The following GNG12 variants were observed in gnomAD, a reference collection of about 807,000 sequenced individuals.
The protein encoded by GNG12 is G protein subunit gamma 12, also known as guanine nucleotide-binding protein G(I)/G(S)/G(O) subunit gamma-12.
For missense variants in GNG12, 69 were observed against 83.8 expected, an observed-to-expected ratio of 0.82 and a Z score of 0.69; for synonymous variants, 28 against 29.7, an observed-to-expected ratio of 0.94 and a Z score of 0.19.
intron 1 of GNG12, among the ~76,000 whole-genome samples, chr1:67,823,142 A>G (rs1646993510): frequency 6.6e-6 from 1 of 152,252 alleles, no homozygotes; most frequent in African/African-American, 2.4e-5. Flanking sequence ...TACGGCATGT[A>G]TAACCTTCCT....
rs888437075 is a variant in GNG12 at position 67,810,382 on chromosome 1, G to A, written c.-77+22962C>T. Among the ~76,000 whole-genome samples the A allele has an allele frequency of 3.9e-5, 6 of 152,170 alleles. No homozygotes were observed. The South Asian group carries it at 1.2e-3, about 32-fold the overall frequency. On this transcript the variant is annotated intron_variant, in intron 1 of 3. Coordinates refer to ENST00000370982, the MANE Select transcript of GNG12 (RefSeq NM_018841.6). ...ATCCATAGAATGTAGAACACCAAGA[G>A]TGAATCCTAATGTAAACTATGAACC...
intron 1 of GNG12, among the ~76,000 whole-genome samples, chr1:67,813,982 C>A (rs1202165924): frequency 6.6e-6 from 1 of 151,954 alleles, no homozygotes; most frequent in Non-Finnish European, 1.5e-5. Flanking sequence ...CTCACAGTAA[C>A]CCCAGGAGGA....
At chr1:67,800,706 G>C (rs1358471425) in intron 1 of GNG12, among the ~76,000 whole-genome samples, 1 of 152,150 alleles carries the variant, frequency 6.6e-6, no homozygotes, top group Non-Finnish European at 1.5e-5. Flanking sequence ...TTGAGTGTGT[G>C]ATGATAAGGG....
chr1:67,779,587 G>A (rs1041406520), intron 1 of GNG12, among the ~76,000 whole-genome samples: 1 of 152,116 alleles, frequency 6.6e-6, no homozygotes, highest in Admixed American at 6.6e-5. Context: ...AGTATCAGTG[G>A]GTCTTCACAT....
intron 1 of GNG12, among the ~76,000 whole-genome samples, chr1:67,821,479 C>T (rs1364203360): frequency 6.6e-6 from 1 of 152,148 alleles, no homozygotes; most frequent in Non-Finnish European, 1.5e-5. Flanking sequence ...AGCAAAGAGC[C>T]GGAGGCCCTC....
intron 1 of GNG12, among the ~76,000 whole-genome samples, chr1:67,800,755 CCT>C (rs1646859816): frequency 6.6e-6 from 1 of 152,020 alleles, no homozygotes; most frequent in South Asian, 2.1e-4. Flanking sequence ...GTTTTATCCA[CCT>C]CTGTTTTTGT....
At chr1:67,769,534 C>T (rs763633769) in intron 2 of GNG12, among the ~76,000 whole-genome samples, 3 of 152,152 alleles carry the variant, frequency 2.0e-5, no homozygotes, top group Non-Finnish European at 4.4e-5. Context: ...ACAGCAAATA[C>T]GTTCTCAGAT....
At chr1:67,742,776 T>C (rs1646489655) in intron 2 of GNG12, among the ~76,000 whole-genome samples, 1 of 152,200 alleles carries the variant, frequency 6.6e-6, no homozygotes, top group Admixed American at 6.5e-5. Flanking sequence ...CTTGGAAACA[T>C]ATAATGATTT....
At chr1:67,713,413 C>T (rs776549288) in intron 2 of GNG12, among the ~76,000 whole-genome samples, 7 of 152,114 alleles carry the variant, frequency 4.6e-5, no homozygotes, top group Non-Finnish European at 7.3e-5. Flanking sequence ...CCTAGAAATT[C>T]CTAGGAACAT....
chr1:67,761,620 G>A (rs1373712704), intron 2 of GNG12, among the ~76,000 whole-genome samples: 2 of 152,174 alleles, frequency 1.3e-5, no homozygotes, highest in African/African-American at 4.8e-5. Flanking sequence ...GCAAGGTCAA[G>A]TGCAGGTCGA....
intron 2 of GNG12, among the ~76,000 whole-genome samples, chr1:67,775,618 G>A (rs1342403454): frequency 6.6e-6 from 1 of 152,204 alleles, no homozygotes; most frequent in Non-Finnish European, 1.5e-5. Context: ...CCTCAGCCCT[G>A]TGCTAAGTAC....
At chr1:67,791,135 C>T (rs1646800004) in intron 1 of GNG12, among the ~76,000 whole-genome samples, 1 of 151,924 alleles carries the variant, frequency 6.6e-6, no homozygotes, top group Non-Finnish European at 1.5e-5. Context: ...CCAGCTTTTA[C>T]TCCTGTGAAC....
intron 1 of GNG12, among the ~76,000 whole-genome samples, chr1:67,829,001 A>AT (rs550375244): frequency 6.6e-6 from 1 of 152,006 alleles, no homozygotes; most frequent in Admixed American, 6.6e-5. Context: ...TATTACGCAA[A>AT]TTTTTTTTAG....
At chr1:67,738,793 T>C (rs1262200163) in intron 2 of GNG12, among the ~76,000 whole-genome samples, 3 of 152,180 alleles carry the variant, frequency 2.0e-5, no homozygotes, top group African/African-American at 7.2e-5. Context: ...GCATGAGGAT[T>C]GCTTGAGCCT....
chr1:67,729,516 T>G (rs1471142519), intron 2 of GNG12, among the ~76,000 whole-genome samples: 1 of 152,110 alleles, frequency 6.6e-6, no homozygotes, highest in African/African-American at 2.4e-5. Context: ...GGTTCTATTT[T>G]CTAATCAGCA....
chr1:67,706,835 T>C (rs1369640708), intron 3 of GNG12, among the ~76,000 whole-genome samples: 3 of 151,908 alleles, frequency 2.0e-5, no homozygotes, highest in Non-Finnish European at 4.4e-5. Context: ...AATTTTGTAT[T>C]TTTAGTAGAG....
chr1:67,823,731 A>C (rs953294078), intron 1 of GNG12, among the ~76,000 whole-genome samples: 2 of 152,218 alleles, frequency 1.3e-5, no homozygotes, highest in Non-Finnish European at 2.9e-5. Flanking sequence ...GGAGGGCAAA[A>C]TGGTTCAATC....
At chr1:67,710,804 C>CCTG (rs1302184995) in intron 2 of GNG12, among the ~76,000 whole-genome samples, 1 of 152,174 alleles carries the variant, frequency 6.6e-6, no homozygotes, top group Non-Finnish European at 1.5e-5. Context: ...TCAGAGGCTC[C>CCTG]CTGCTCCCTT....
chr1:67,798,807 A>T (rs1271450064), intron 1 of GNG12, among the ~76,000 whole-genome samples: 1 of 152,130 alleles, frequency 6.6e-6, no homozygotes, highest in Admixed American at 6.5e-5. Context: ...ACAAAAAATT[A>T]GCTGGGTGTG....
Sources: allele counts gnomAD v4.1 joint callset (sites outside exome capture counted in the v4.1 genomes callset), GRCh38; gene constraint gnomAD v4.1.1; transcripts MANE v1.5; gene names NCBI Gene and HGNC (gene_info 2026-07-23, HGNC 2026-07-21).